The following VDAC1 variants were observed in gnomAD, a reference collection of about 807,000 sequenced individuals.
VDAC1 encodes voltage dependent anion channel 1.
Under a neutral mutation model 34.7 loss-of-function variants are expected in VDAC1, and 10 were observed. The observed-to-expected ratio is 0.29, with a 90% CI of 0.18 to 0.49. VDAC1 has a LOEUF of 0.49. Ranked by LOEUF, VDAC1 falls within the 20% of genes least tolerant of loss-of-function variation. The pLI, the probability that VDAC1 is intolerant of heterozygous loss-of-function variation, is 0.99. For missense variants in VDAC1, 230 were observed against 347.9 expected (o/e 0.66, Z 2.69); for synonymous variants, 130 against 136.0 (o/e 0.96, Z 0.30).
At chr5:133,976,229 G>T in intron 6 of VDAC1, 1 of 556,928 alleles carries the variant, frequency 1.8e-6, no homozygotes, top group Non-Finnish European at 3.2e-6. Context: ...CACCTAGCCA[G>T]GCACAGTGGC....
chr5:133,991,207 C>T, intron 3 of VDAC1, 53 bp from the exon 4 acceptor site: 2 of 1,599,600 alleles, frequency 1.3e-6, no homozygotes, highest in Non-Finnish European at 1.7e-6. Context: ...CACTTGGCTT[C>T]ACTTCACTCC....
chr5:134,108,207 C>T, the VDAC1 span, among the ~76,000 whole-genome samples: 1 of 151,968 alleles, frequency 6.6e-6, no homozygotes, highest in Non-Finnish European at 1.5e-5. Flanking sequence ...AGCTAACAAA[C>T]GAACTGGAAA....
At chr5:134,068,148 T>C in the VDAC1 span, among the ~76,000 whole-genome samples, 1 of 152,104 alleles carries the variant, frequency 6.6e-6, no homozygotes, top group Middle Eastern at 3.4e-3. Context: ...AACAGAATGC[T>C]TCACTTCAAT....
chr5:133,972,571 T>G lies in VDAC1; in HGVS notation c.*200A>C, dbSNP rs1379853616. On this transcript the variant is annotated 3_prime_UTR_variant, in exon 9 of 9. Coordinates refer to ENST00000265333, the MANE Select transcript of VDAC1 (RefSeq NM_003374.3). ...ACCAAGTTCTCCCCGAGTCTACCAC[T>G]GAAAGGACCTTTTTTGGAAATAGGT... 2.0e-6 allele frequency: 1 copy of G among 495,956 alleles called. No homozygotes were observed. Among genetic ancestry groups the G allele is most frequent in the Admixed American group, 3.8e-5 (1 of 26,302 alleles). 30.7% of individuals were successfully genotyped at this position (495,956 alleles called of 1,614,324 possible). A position where few individuals can be genotyped will look rare whatever the true frequency, so the allele number is the denominator to read the frequency against.
the VDAC1 span, among the ~76,000 whole-genome samples, chr5:134,018,852 C>A: frequency 6.6e-6 from 1 of 152,134 alleles, no homozygotes; most frequent in Non-Finnish European, 1.5e-5. Flanking sequence ...ACCAGGGAGC[C>A]CCAGTAAAAA....
chr5:134,055,105 T>C, the VDAC1 span, among the ~76,000 whole-genome samples: 2 of 152,078 alleles, frequency 1.3e-5, no homozygotes, highest in African/African-American at 4.8e-5. Flanking sequence ...CTCAGCTGCA[T>C]GGGGTGGGGA....
chr5:134,100,903 G>A, the VDAC1 span, among the ~76,000 whole-genome samples: 3 of 152,264 alleles, frequency 2.0e-5, no homozygotes, highest in East Asian at 1.9e-4. Context: ...CAGGGGCAGA[G>A]CTGGAACTGG....
At chr5:134,084,422 C>T in the VDAC1 span, among the ~76,000 whole-genome samples, 2 of 152,352 alleles carry the variant, frequency 1.3e-5, no homozygotes, top group East Asian at 1.9e-4. Flanking sequence ...GGGCCAGACA[C>T]TCCAAGCCAG....
the VDAC1 span, among the ~76,000 whole-genome samples, chr5:134,044,054 C>T: frequency 2.6e-5 from 4 of 152,178 alleles, no homozygotes; most frequent in Non-Finnish European, 5.9e-5. Flanking sequence ...CAGACTGCGA[C>T]TCAAACCAAG....
chr5:134,055,489 G>C, the VDAC1 span, among the ~76,000 whole-genome samples: 5 of 151,578 alleles, frequency 3.3e-5, no homozygotes, highest in Non-Finnish European at 7.4e-5. Flanking sequence ...GCGCGATCTC[G>C]GCTCACTGCA....
the VDAC1 span, among the ~76,000 whole-genome samples, chr5:134,037,336 G>A: frequency 1.4e-4 from 21 of 152,252 alleles, no homozygotes; most frequent in Admixed American, 1.0e-3. Flanking sequence ...ATTTCTTCCC[G>A]AGGTGCTTGG....
intron 5 of VDAC1, among the ~76,000 whole-genome samples, chr5:133,982,760 C>A (rs1298586467): frequency 1.3e-5 from 2 of 150,252 alleles, no homozygotes; most frequent in African/African-American, 4.9e-5. Context: ...TGTGGTGGCA[C>A]ATGCCTGTAA....
the VDAC1 span, among the ~76,000 whole-genome samples, chr5:134,094,088 G>A: frequency 6.6e-6 from 1 of 152,250 alleles, no homozygotes; most frequent in Non-Finnish European, 1.5e-5. Flanking sequence ...GAAGTGGGGG[G>A]CGGTGGGTGG....
chr5:134,021,348 C>T, the VDAC1 span, among the ~76,000 whole-genome samples: 1 of 151,570 alleles, frequency 6.6e-6, no homozygotes, highest in Non-Finnish European at 1.5e-5. Flanking sequence ...GCCCCCCACC[C>T]TCCGAAAGGC....
At chr5:134,041,012 C>T in the VDAC1 span, among the ~76,000 whole-genome samples, 9 of 152,158 alleles carry the variant, frequency 5.9e-5, no homozygotes, top group Non-Finnish European at 2.9e-5. Flanking sequence ...GAAGAACTGT[C>T]GGAACAGATG....
chr5:133,995,419 G>A (rs555989961), intron 1 of VDAC1, among the ~76,000 whole-genome samples: 9 of 152,118 alleles, frequency 5.9e-5, no homozygotes, highest in East Asian at 1.9e-4. Flanking sequence ...CTTGAACACC[G>A]ACAATGAAGC....
the VDAC1 span, among the ~76,000 whole-genome samples, chr5:134,111,636 T>C: frequency 2.0e-5 from 3 of 152,010 alleles, no homozygotes; most frequent in Non-Finnish European, 4.4e-5. Context: ...ACCACCAAGA[T>C]GATTCCCTAA....
Position 133,973,779 on chromosome 5 carries a change from A to G in VDAC1, c.760+12T>C, listed in dbSNP as rs1752382199. 2 of 1,609,968 alleles carry G rather than the reference A, an allele frequency of 1.2e-6. No individual in the cohort carries two copies. The highest frequency in any genetic ancestry group is 1.7e-5 in the Admixed American group (1 of 59,304). On this transcript the variant is annotated intron_variant, in intron 8 of 8. Transcript: ENST00000265333. ...AGATAAAGAACCGATTTCACACACAAGCAACACATACCTGGCTTTAGAGTC... is the reference window on the plus strand; with the variant it reads ...AGATAAAGAACCGATTTCACACACAGGCAACACATACCTGGCTTTAGAGTC...
chr5:134,091,397 C>T, the VDAC1 span, among the ~76,000 whole-genome samples: 5 of 152,224 alleles, frequency 3.3e-5, no homozygotes, highest in African/African-American at 4.8e-5. Context: ...AATCATCATG[C>T]GTGGTCAGAT....
Sources: allele counts gnomAD v4.1 joint callset (sites outside exome capture counted in the v4.1 genomes callset), GRCh38; gene constraint gnomAD v4.1.1; transcripts MANE v1.5; gene names NCBI Gene and HGNC (gene_info 2026-07-23, HGNC 2026-07-21).